ADAM28: variants seen among roughly 807,000 people sequenced by gnomAD.
ADAM28 encodes ADAM metallopeptidase domain 28, also known as disintegrin and metalloproteinase domain-containing protein 28.
A neutral mutation model predicts 101.2 loss-of-function variants in ADAM28; 105 were observed. The ratio of observed to expected loss-of-function variants is 1.04; its 90% confidence interval spans 0.89 to 1.22. The LOEUF (loss-of-function observed/expected upper bound fraction) is 1.22. ADAM28 is among the 50% of genes most tolerant of loss of function. The pLI is 0.00. For missense variants in ADAM28, 1,028 were observed against 945.4 expected (o/e 1.09, Z -1.15); for synonymous variants, 322 against 310.6 (o/e 1.04, Z -0.39).
intron 14 of ADAM28, chr8:24,335,863 T>C (rs907270818): frequency 4.9e-6 from 6 of 1,230,628 alleles, no homozygotes; most frequent in Non-Finnish European, 6.1e-6. Context: ...AATTAACAAG[T>C]TTTTTGTTAA....
intron 6 of ADAM28, among the ~76,000 whole-genome samples, chr8:24,316,746 A>G (rs1811211363): frequency 6.6e-6 from 1 of 152,040 alleles, no homozygotes; most frequent in Non-Finnish European, 1.5e-5. Flanking sequence ...TAGAAAAGAC[A>G]CATTCAACTT....
rs1442837407 is a variant in ADAM28 at position 24,358,935 on chromosome 8, A to AAAACT, written c.*4533_*4537dup. The AAAACT allele has an allele frequency of 8.5e-5, 13 of 152,344 alleles. No individual in the cohort carries two copies. In the East Asian group the frequency reaches 2.5e-3, roughly 29 times the overall value. 9.4% of individuals were successfully genotyped at this position (152,344 alleles called of 1,614,324 possible). ...TGTTGCTCCCACCTCACACAAAGTT[A>AAAACT]AAACTATTTGTTACTTTAAATAGTT... On this transcript the variant is annotated 3_prime_UTR_variant, in exon 23 of 23. Coordinates refer to ENST00000265769, the MANE Select transcript of ADAM28 (RefSeq NM_014265.6).
chr8:24,309,566 C>G (rs73673445), intron 2 of ADAM28, among the ~76,000 whole-genome samples: 1,814 of 152,290 alleles, frequency 0.012, 34 homozygotes, highest in African/African-American at 0.042. Flanking sequence ...AGCTCTCTGA[C>G]AGTACGTACC....
intron 6 of ADAM28, 66 bp downstream of exon 6, chr8:24,313,646 T>G: frequency 2.0e-6 from 3 of 1,493,410 alleles, no homozygotes; most frequent in Non-Finnish European, 2.7e-6. Flanking sequence ...GAATTAGCAG[T>G]GCAATTTACT....
At chr8:24,308,812 C>A in intron 2 of ADAM28, 2 of 415,506 alleles carry the variant, frequency 4.8e-6, no homozygotes, top group Non-Finnish European at 4.8e-6. Flanking sequence ...TAAATCCCAG[C>A]ACGGTGCTCA....
intron 16 of ADAM28, 198 bp from the exon 17 acceptor site, chr8:24,342,903 G>T: frequency 2.2e-6 from 2 of 891,608 alleles, no homozygotes; most frequent in Non-Finnish European, 1.6e-6. Context: ...TTCTTAGATA[G>T]ACTTTATCAA....
chr8:24,321,384 C>G, intron 8 of ADAM28, 95 bp downstream of exon 8: 1 of 1,067,374 alleles, frequency 9.4e-7, no homozygotes, highest in South Asian at 1.3e-5. Context: ...GAAGCAAAGT[C>G]AAGACATTTG....
intron 17 of ADAM28, 31 bp downstream of exon 17, chr8:24,343,212 C>T: frequency 1.2e-6 from 2 of 1,603,756 alleles, no homozygotes; most frequent in Non-Finnish European, 1.7e-6. Flanking sequence ...TCCCTAAGCT[C>T]TCTGAATCTT....
intron 18 of ADAM28, among the ~76,000 whole-genome samples, chr8:24,344,263 AG>A (rs34228262): frequency 0.15 from 22,885 of 152,102 alleles, 2,061 homozygotes; most frequent in East Asian, 0.26. Context: ...TACCCTGAGG[AG>A]GGAGCTCATC....
At position 24,329,200 on chromosome 8, in the gene ADAM28, T is replaced by G. The variant is rs572014747; in HGVS notation, c.973-785T>G. On this transcript the variant is annotated intron_variant, in intron 10 of 22. Transcript: ENST00000265769. ...AATGAAAGAATATAGTGTGTCTAGG[T>G]ATCAACTTCCCAACTTACACAGCTG... Among the ~76,000 whole-genome samples the G allele has an allele frequency of 1.4e-3, 206 of 152,226 alleles. 3 individuals are homozygous for G. The highest frequency in any genetic ancestry group is 4.7e-3 in the African/African-American group (197 of 41,548).
Position 24,331,292 on chromosome 8 carries a change from G to A in ADAM28, c.1246G>A (p.Glu416Lys), listed in dbSNP as rs768372875. ...STPICGNQLV[E>K]MGEDCDCGTS... ...TCCAATTTGTGGGAACCAGTTGGTG[G>A]AAATGGGAGAGGACTGTGATTGTGG... The change falls in exon 12 of 23, where the codon GAA (glutamate) becomes AAA (lysine). Residue 416 changes from glutamate (E) to lysine (K), a missense_variant. Coordinates refer to ENST00000265769, the MANE Select transcript of ADAM28 (RefSeq NM_014265.6). 16 of 1,612,122 alleles carry A rather than the reference G, an allele frequency of 9.9e-6. No individual in the cohort carries two copies. The Admixed American group carries it at 1.5e-4, about 15-fold the overall frequency.
At chr8:24,318,548 A>C (rs1215535496) in intron 6 of ADAM28, among the ~76,000 whole-genome samples, 1 of 151,930 alleles carries the variant, frequency 6.6e-6, no homozygotes, top group African/African-American at 2.4e-5. Context: ...TATCTTTTTA[A>C]TATATCTACT....
At chr8:24,340,334 TA>T (rs1187416964) in intron 15 of ADAM28, among the ~76,000 whole-genome samples, 4 of 152,278 alleles carry the variant, frequency 2.6e-5, no homozygotes, top group African/African-American at 9.6e-5. Context: ...ATACTTTGGA[TA>T]TAGGGTTATC....
intron 6 of ADAM28, among the ~76,000 whole-genome samples, chr8:24,318,804 C>G (rs1811497580): frequency 6.6e-6 from 1 of 152,006 alleles, no homozygotes; most frequent in South Asian, 2.1e-4. Context: ...CCTTTTCTGA[C>G]TACCCCAAGG....
chr8:24,299,725 C>A (rs1039987643), intron 1 of ADAM28: 2 of 280,440 alleles, frequency 7.1e-6, no homozygotes, highest in African/African-American at 4.4e-5. Flanking sequence ...TCTCTAAATA[C>A]AGTAACACCT....
chr8:24,331,806 T>G (rs1813402511), intron 12 of ADAM28, among the ~76,000 whole-genome samples: 1 of 152,076 alleles, frequency 6.6e-6, no homozygotes, highest in Non-Finnish European at 1.5e-5. Flanking sequence ...GGTTCATCCC[T>G]TACTGCTTTG....
intron 2 of ADAM28, among the ~76,000 whole-genome samples, chr8:24,304,668 C>T (rs1249225187): frequency 2.0e-5 from 3 of 151,938 alleles, no homozygotes; most frequent in African/African-American, 7.3e-5. Context: ...GGGTTCAAGA[C>T]CAACCTGGCC....
At chr8:24,326,909 G>A (rs1221701220) in intron 10 of ADAM28, among the ~76,000 whole-genome samples, 1 of 151,932 alleles carries the variant, frequency 6.6e-6, no homozygotes, top group African/African-American at 2.4e-5. Context: ...CAAAATAATA[G>A]CTATTTATGA....
chr8:24,314,044 A>G (rs1810833605), intron 6 of ADAM28, among the ~76,000 whole-genome samples: 1 of 152,190 alleles, frequency 6.6e-6, no homozygotes, highest in Admixed American at 6.6e-5. Context: ...GGCATGAGCC[A>G]CCGCACTTAG....
Sources: allele counts gnomAD v4.1 joint callset (sites outside exome capture counted in the v4.1 genomes callset), GRCh38; gene constraint gnomAD v4.1.1; transcripts MANE v1.5; gene names NCBI Gene and HGNC (gene_info 2026-07-23, HGNC 2026-07-21).